The following RAB40B variants were observed in gnomAD, a reference collection of about 807,000 sequenced individuals.
RAB40B encodes the protein ras-related protein Rab-40B.
In RAB40B, 21 loss-of-function variants were observed where a neutral mutation model predicts 24.0. The observed-to-expected ratio is 0.88, with a 90% CI of 0.62 to 1.26. RAB40B has a LOEUF of 1.26. Among genes scored for constraint, RAB40B ranks in the 50% most tolerant of loss-of-function variants. RAB40B has a pLI of 0.00. For synonymous variants in RAB40B, 167 were observed against 169.8 expected (o/e 0.98, Z 0.13); for missense variants, 348 against 390.5 (o/e 0.89, Z 0.92).
chr17:82,661,959 A>G lies in RAB40B; in HGVS notation c.204-912T>C, dbSNP rs111622180. On this transcript the variant is annotated intron_variant, in intron 2 of 5. Coordinates refer to ENST00000571995, the MANE Select transcript of RAB40B (RefSeq NM_006822.3). ...GGGTGCTCCCCAGGGATCAGTTCCC[A>G]GAGGAGGCGGCCCTGGGACAGCCAG... 8.8e-3 allele frequency: 8,634 copies of G among 984,792 alleles called. 629 individuals carry two copies. In the African/African-American group the frequency reaches 0.14, roughly 16 times the overall value. 61.0% of individuals were successfully genotyped at this position (984,792 alleles called of 1,614,324 possible). A position where few individuals can be genotyped will look rare whatever the true frequency, so the allele number is the denominator to read the frequency against.
chr17:82,683,356 A>G (rs2046464112), intron 1 of RAB40B, among the ~76,000 whole-genome samples: 1 of 152,230 alleles, frequency 6.6e-6, no homozygotes, highest in Non-Finnish European at 1.5e-5. Context: ...TCTTTAAAAG[A>G]TACTAAATGG....
At chr17:82,687,422 G>A (rs989154612) in intron 1 of RAB40B, among the ~76,000 whole-genome samples, 1 of 151,966 alleles carries the variant, frequency 6.6e-6, no homozygotes, top group African/African-American at 2.4e-5. Context: ...GTCCTATCAC[G>A]AGTCACAAAT....
chr17:82,661,039 G>A lies in RAB40B; in HGVS notation c.212C>T (p.Ser71Leu). 1 of 1,614,020 alleles carries A rather than the reference G, an allele frequency of 6.2e-7. No individual in the cohort carries two copies. Among genetic ancestry groups the A allele is most frequent in the East Asian group, 2.2e-5 (1 of 44,886 alleles). ...RRVKLQLWDT[S>L]GQGRFCTIFR... ...TATGGTACAAAATCTTCCCTGGCCT[G>A]AAGTATCCCTGGAAAAGATGTTGGA... Residue 71 changes from serine to leucine, a missense_variant, in exon 3 of 6, where the codon TCA becomes TTA. Transcript: ENST00000571995.
At chr17:82,696,001 C>A (rs2046606374) in intron 1 of RAB40B, among the ~76,000 whole-genome samples, 1 of 152,082 alleles carries the variant, frequency 6.6e-6, no homozygotes, top group South Asian at 2.1e-4. Flanking sequence ...TCCCGAGTAG[C>A]TGGGATTACA....
At chr17:82,691,749 G>T (rs2046560218) in intron 1 of RAB40B, among the ~76,000 whole-genome samples, 1 of 152,210 alleles carries the variant, frequency 6.6e-6, no homozygotes, top group African/African-American at 2.4e-5. Flanking sequence ...ACACAATCTG[G>T]TGTTGGAAGC....
At chr17:82,685,201 G>A (rs74940854) in intron 1 of RAB40B, among the ~76,000 whole-genome samples, 8,451 of 144,440 alleles carry the variant, frequency 0.059, 319 homozygotes, top group East Asian at 0.12. Flanking sequence ...GAGAGGAAGC[G>A]GGAGAGGAAA....
chr17:82,661,172 C>T (rs1029458133), intron 2 of RAB40B, 125 bp from the exon 3 acceptor site: 23 of 1,477,144 alleles, frequency 1.6e-5, no homozygotes, highest in Admixed American at 9.6e-5. Context: ...ACGCCGCCAG[C>T]GTGAGACCCC....
At chr17:82,661,506 C>T (rs186812348) in intron 2 of RAB40B, among the ~76,000 whole-genome samples, 22 of 152,202 alleles carry the variant, frequency 1.4e-4, no homozygotes, top group Non-Finnish European at 2.1e-4. Context: ...AACTGCCTGG[C>T]GTGAGCTGCA....
Position 82,655,224 on chromosome 17 carries a change from A to G in RAB40B, c.*2639T>C, listed in dbSNP as rs1268052186. 6.6e-6 allele frequency: 1 copy of G among 151,894 alleles called. No homozygotes were observed. Among genetic ancestry groups the G allele is most frequent in the Non-Finnish European group, 1.5e-5 (1 of 67,982 alleles). 9.4% of individuals were successfully genotyped at this position (151,894 alleles called of 1,614,324 possible). On this transcript the variant is annotated 3_prime_UTR_variant, in exon 6 of 6. Transcript: ENST00000571995. Reference sequence around the variant, plus strand: ...CTCTGGAAGCCGGAAGTCCAAAACCAATAACTTGGCAGGGCTGTGCTCCCT... The same window carrying G: ...CTCTGGAAGCCGGAAGTCCAAAACCGATAACTTGGCAGGGCTGTGCTCCCT...
chr17:82,664,562 G>A lies in RAB40B; in HGVS notation c.143-6C>T. ...GGTCGTCTTGTAGTCGATGCCTGCG[G>A]AAGGGTTAGAGACGGCTTAGGCCTG... On this transcript the variant is annotated splice_polypyrimidine_tract_variant and splice_region_variant and intron_variant, in intron 1 of 5. Coordinates refer to ENST00000571995, the MANE Select transcript of RAB40B (RefSeq NM_006822.3). The A allele has an allele frequency of 6.2e-7, 1 of 1,613,510 alleles. No homozygotes were observed. Among genetic ancestry groups the A allele is most frequent in the Non-Finnish European group, 8.5e-7 (1 of 1,179,512 alleles).
At chr17:82,670,608 C>T (rs2046320951) in intron 1 of RAB40B, among the ~76,000 whole-genome samples, 2 of 149,992 alleles carry the variant, frequency 1.3e-5, no homozygotes, top group Non-Finnish European at 2.9e-5. Context: ...GATCTCAGCT[C>T]ATTGTAACCT....
intron 1 of RAB40B, among the ~76,000 whole-genome samples, chr17:82,685,952 C>A (rs576729728): frequency 1.4e-4 from 21 of 151,772 alleles, no homozygotes; most frequent in African/African-American, 4.8e-4. Flanking sequence ...TACAGGTGCC[C>A]GCCACCACAC....
intron 1 of RAB40B, among the ~76,000 whole-genome samples, chr17:82,691,087 AC>A (rs2143553299): frequency 6.6e-6 from 1 of 152,146 alleles, no homozygotes; most frequent in East Asian, 1.9e-4. Flanking sequence ...CTGCACCTGC[AC>A]CCCGGTGTGT....
chr17:82,669,408 G>T (rs2046304543), intron 1 of RAB40B, among the ~76,000 whole-genome samples: 1 of 151,726 alleles, frequency 6.6e-6, no homozygotes, highest in Admixed American at 6.6e-5. Flanking sequence ...CTGGGAGGTG[G>T]AGGTTGTGGT....
chr17:82,686,011 C>T (rs1186104093), intron 1 of RAB40B, among the ~76,000 whole-genome samples: 2 of 151,976 alleles, frequency 1.3e-5, no homozygotes, highest in Non-Finnish European at 2.9e-5. Flanking sequence ...ACCATGTTGG[C>T]CAGGCTGGTC....
chr17:82,662,018 A>G, intron 2 of RAB40B: 2 of 985,410 alleles, frequency 2.0e-6, no homozygotes, highest in Non-Finnish European at 2.4e-6. Context: ...TGCAACGAAC[A>G]CACCTACATC....
At chr17:82,658,246 C>T in intron 5 of RAB40B, 112 bp from the exon 6 acceptor site, 1 of 1,439,920 alleles carries the variant, frequency 6.9e-7, no homozygotes, top group South Asian at 1.3e-5. Context: ...ACGCCCGTGG[C>T]CCTGGCTTGT....
intron 1 of RAB40B, among the ~76,000 whole-genome samples, chr17:82,682,757 A>G (rs2046458927): frequency 6.6e-6 from 1 of 152,236 alleles, no homozygotes; most frequent in Admixed American, 6.5e-5. Flanking sequence ...AAGGCCATAC[A>G]ATAAAGAATA....
intron 2 of RAB40B, chr17:82,662,726 C>A: frequency 1.0e-6 from 1 of 985,370 alleles, no homozygotes. Context: ...TTGGCAGAAG[C>A]CCCCTGGGAT....
Sources: gnomAD v4.1 joint callset for allele counts (sites outside exome capture counted in the v4.1 genomes callset) on GRCh38, gnomAD v4.1.1 for gene constraint, MANE v1.5 for transcripts, NCBI Gene and HGNC (gene_info 2026-07-23, HGNC 2026-07-21) for gene names.